The following CNTNAP2 variants were observed in gnomAD, a reference collection of about 807,000 sequenced individuals.
CNTNAP2 encodes contactin-associated protein-like 2.
CNTNAP2 carries 98 observed loss-of-function variants against 155.2 expected under a neutral mutation model. The observed-to-expected ratio is 0.63, with a 90% CI of 0.54 to 0.75. The LOEUF (loss-of-function observed/expected upper bound fraction) is 0.75, where lower values mean the gene tolerates loss of function less well. CNTNAP2 is among the 30% of genes least tolerant of loss of function. The pLI is 0.00. For missense variants in CNTNAP2, 1,727 were observed against 1,688.1 expected (o/e 1.02, Z -0.40); for synonymous variants, 651 against 631.2 (o/e 1.03, Z -0.47).
intron 12 of CNTNAP2, among the ~76,000 whole-genome samples, chr7:147,630,253 T>A (rs1239830689): frequency 8.0e-6 from 1 of 125,458 alleles, no homozygotes; most frequent in Non-Finnish European, 1.6e-5. Context: ...CTTCCTAGAT[T>A]AAATCAGGAA....
intron 1 of CNTNAP2, among the ~76,000 whole-genome samples, chr7:146,375,103 C>T (rs1443248831): frequency 6.6e-6 from 1 of 152,184 alleles, no homozygotes; most frequent in African/African-American, 2.4e-5. Context: ...TTCACAAAAA[C>T]AAAACTTCTT....
At chr7:147,789,806 G>C (rs1188959281) in intron 13 of CNTNAP2, among the ~76,000 whole-genome samples, 1 of 152,112 alleles carries the variant, frequency 6.6e-6, no homozygotes, top group Non-Finnish European at 1.5e-5. Context: ...TTGAACATCA[G>C]ATTCCAAGTT....
At position 146,380,460 on chromosome 7, in the gene CNTNAP2, T is replaced by G. The variant is rs562835878; in HGVS notation, c.97+263487T>G. ...TTTTTAGAAAAGAGAAGAACAAAATTACCATGGAAAGCATTTCTGGTTTTG... is the reference window on the plus strand; with the variant it reads ...TTTTTAGAAAAGAGAAGAACAAAATGACCATGGAAAGCATTTCTGGTTTTG... On this transcript the variant is annotated intron_variant, in intron 1 of 23. Transcript: ENST00000361727. Among the ~76,000 whole-genome samples, 10 of 152,232 alleles carry G rather than the reference T, an allele frequency of 6.6e-5. No homozygotes were observed. The East Asian group carries it at 1.9e-3, about 29-fold the overall frequency.
chr7:148,349,160 A>G (rs993982927), intron 21 of CNTNAP2, among the ~76,000 whole-genome samples: 2 of 152,168 alleles, frequency 1.3e-5, no homozygotes, highest in African/African-American at 4.8e-5. Flanking sequence ...AATTTAAGTC[A>G]TTGTTAAATA....
chr7:147,375,473 T>G (rs1796418728), intron 9 of CNTNAP2, among the ~76,000 whole-genome samples: 1 of 152,038 alleles, frequency 6.6e-6, no homozygotes, highest in African/African-American at 2.4e-5. Context: ...GATTCCCAGT[T>G]GCAGATTCTC....
intron 21 of CNTNAP2, among the ~76,000 whole-genome samples, chr7:148,276,933 T>C (rs1286868227): frequency 2.0e-5 from 3 of 152,210 alleles, no homozygotes; most frequent in Non-Finnish European, 4.4e-5. Context: ...TCCTTCTGGG[T>C]AGCAAAGGCA....
At chr7:146,450,902 GTAAA>G (rs1796469216) in intron 1 of CNTNAP2, among the ~76,000 whole-genome samples, 1 of 151,354 alleles carries the variant, frequency 6.6e-6, no homozygotes, top group South Asian at 2.1e-4. Context: ...TTCATAATTT[GTAAA>G]TAGAGATGCT....
chr7:147,804,555 T>G (rs1050363446), intron 13 of CNTNAP2, among the ~76,000 whole-genome samples: 1 of 105,416 alleles, frequency 9.5e-6, no homozygotes, highest in African/African-American at 6.2e-5. Context: ...TGTTTTTTTG[T>G]TTGTTTGTTT....
At position 148,051,956 on chromosome 7, in the gene CNTNAP2, G is replaced by A. The variant is rs10272377; in HGVS notation, c.2384-66162G>A. ...AGATGGAGACCATCCTGGCTAACAC[G>A]GTGAAACCCTGTCTCTACTAAAAAT... On this transcript the variant is annotated intron_variant, in intron 15 of 23. Transcript: ENST00000361727. Among the ~76,000 whole-genome samples the A allele has an allele frequency of 8.2e-3, 1,254 of 152,142 alleles. 14 individuals are homozygous for A. The highest frequency in any genetic ancestry group is 0.026 in the African/African-American group (1,099 of 41,524).
At chr7:146,637,180 G>GT (rs1161433251) in intron 1 of CNTNAP2, among the ~76,000 whole-genome samples, 2 of 152,114 alleles carry the variant, frequency 1.3e-5, no homozygotes, top group African/African-American at 2.4e-5. Context: ...CAGTAGCATC[G>GT]TAAGACTTTA....
intron 1 of CNTNAP2, among the ~76,000 whole-genome samples, chr7:146,450,451 G>A (rs1368116096): frequency 6.6e-6 from 1 of 152,208 alleles, no homozygotes; most frequent in African/African-American, 2.4e-5. Flanking sequence ...TAGCTGGGAT[G>A]AAATTTCCAA....
chr7:146,673,875 A>G (rs1282121666), intron 1 of CNTNAP2, among the ~76,000 whole-genome samples: 2 of 152,134 alleles, frequency 1.3e-5, no homozygotes, highest in Non-Finnish European at 2.9e-5. Flanking sequence ...GAGCCATTGC[A>G]CCTGCTGGAG....
chr7:146,781,055 C>G (rs1307908978), intron 2 of CNTNAP2, among the ~76,000 whole-genome samples: 1 of 151,714 alleles, frequency 6.6e-6, no homozygotes, highest in African/African-American at 2.4e-5. Context: ...GGTGAAATCC[C>G]GTCTCTACTA....
rs1798028111 is a variant in CNTNAP2 at position 148,331,768 on chromosome 7, TGGA to T, written c.3476-51880_3476-51878del. ...GGATGGAACGGACGGATGGATTGGATGGATGGAATGGACAGATGGAGTGGATGG... is the reference window on the plus strand; with the variant it reads ...GGATGGAACGGACGGATGGATTGGATTGGAATGGACAGATGGAGTGGATGG... On this transcript the variant is annotated intron_variant, in intron 21 of 23. Transcript: ENST00000361727. Among the ~76,000 whole-genome samples the T allele has an allele frequency of 1.5e-4, 2 of 13,146 alleles. 1 individual carries two copies. The highest frequency in any genetic ancestry group is 4.4e-4 in the Non-Finnish European group (2 of 4,574). 8.6% of individuals were successfully genotyped at this position (13,146 alleles called of 152,430 possible).
chr7:147,340,718 T>C (rs1795747405), intron 9 of CNTNAP2, among the ~76,000 whole-genome samples: 1 of 152,144 alleles, frequency 6.6e-6, no homozygotes, highest in Admixed American at 6.6e-5. Context: ...ATTCATTTTC[T>C]TTCATATATT....
intron 1 of CNTNAP2, among the ~76,000 whole-genome samples, chr7:146,701,325 T>C (rs1349022590): frequency 6.6e-6 from 1 of 152,150 alleles, no homozygotes; most frequent in African/African-American, 2.4e-5. Context: ...TTAGAGCACC[T>C]GGCCTTTGTG....
intron 1 of CNTNAP2, among the ~76,000 whole-genome samples, chr7:146,658,259 A>G (rs117060843): frequency 0.012 from 1,808 of 152,250 alleles, 35 homozygotes; most frequent in South Asian, 0.015. Context: ...TTAAATTTAC[A>G]AACGGTAAAG....
intron 13 of CNTNAP2, among the ~76,000 whole-genome samples, chr7:147,662,300 A>G (rs143552609): frequency 2.2e-4 from 33 of 152,334 alleles, no homozygotes; most frequent in East Asian, 7.7e-4. Flanking sequence ...CAATGTCCCA[A>G]TGTATTCAGG....
Position 147,593,122 on chromosome 7 carries a change from T to A in CNTNAP2, c.1897+30865T>A, listed in dbSNP as rs569659223. On this transcript the variant is annotated intron_variant, in intron 12 of 23. Coordinates refer to ENST00000361727, the MANE Select transcript of CNTNAP2 (RefSeq NM_014141.6). The stretch of plus-strand genomic sequence containing the variant: ...CTTGAGGCAACCTTGCAGAATAACT[T>A]TCACTTAGGAGAAATGAAAAAGGAA... Among the ~76,000 whole-genome samples the A allele has an allele frequency of 2.0e-5, 3 of 152,062 alleles. No individual in the cohort carries two copies. The South Asian group carries it at 6.2e-4, about 31-fold the overall frequency.
Sources: allele counts gnomAD v4.1 joint callset (sites outside exome capture counted in the v4.1 genomes callset), GRCh38; gene constraint gnomAD v4.1.1; transcripts MANE v1.5; gene names NCBI Gene and HGNC (gene_info 2026-07-23, HGNC 2026-07-21).